The following LINGO2 variants were observed in gnomAD, a reference collection of about 807,000 sequenced individuals.
LINGO2 encodes leucine-rich repeat and immunoglobulin-like domain-containing nogo receptor-interacting protein 2.
LINGO2 carries 14 observed loss-of-function variants against 30.6 expected under a neutral mutation model. The observed-to-expected ratio is 0.46, with a 90% CI of 0.30 to 0.72. The LOEUF is 0.72. Ranked by LOEUF, LINGO2 falls within the 30% of genes least tolerant of loss-of-function variation. The pLI is 0.07. For missense variants in LINGO2, 729 were observed against 751.7 expected, an observed-to-expected ratio of 0.97 and a Z score of 0.35; for synonymous variants, 317 against 288.5, an observed-to-expected ratio of 1.10 and a Z score of -1.00.
At chr9:28,075,168 T>C (rs1031742815) in intron 4 of LINGO2, among the ~76,000 whole-genome samples, 5 of 151,928 alleles carry the variant, frequency 3.3e-5, no homozygotes, top group Non-Finnish European at 5.9e-5. Context: ...TGGCTTGAAA[T>C]AGTGTTTAGT....
intron 4 of LINGO2, among the ~76,000 whole-genome samples, chr9:28,201,112 A>C (rs1820216503): frequency 6.7e-6 from 1 of 148,998 alleles, no homozygotes; most frequent in African/African-American, 2.5e-5. Context: ...GTTTTAGGGT[A>C]CATGTGCACA....
chr9:28,877,145 A>G, the LINGO2 span, among the ~76,000 whole-genome samples: 2 of 145,626 alleles, frequency 1.4e-5, no homozygotes, highest in Non-Finnish European at 3.0e-5. Context: ...TAGATTCTGG[A>G]TATTAGCCCT....
chr9:28,501,974 G>A (rs1026399094), intron 1 of LINGO2, among the ~76,000 whole-genome samples: 2 of 151,742 alleles, frequency 1.3e-5, no homozygotes, highest in African/African-American at 4.8e-5. Flanking sequence ...AGAGAAAGTA[G>A]GAGGAAGGGA....
At chr9:29,144,871 C>T in the LINGO2 span, among the ~76,000 whole-genome samples, 1 of 151,970 alleles carries the variant, frequency 6.6e-6, no homozygotes, top group Non-Finnish European at 1.5e-5. Context: ...AAGTATCTAA[C>T]ACATTGAAAA....
chr9:29,134,421 C>T, the LINGO2 span, among the ~76,000 whole-genome samples: 1 of 151,950 alleles, frequency 6.6e-6, no homozygotes, highest in East Asian at 1.9e-4. Flanking sequence ...GAAAAATATA[C>T]ATTTTTTTCA....
At chr9:28,405,900 A>G (rs7341902) in intron 2 of LINGO2, among the ~76,000 whole-genome samples, 140,119 of 152,116 alleles carry the variant, frequency 0.92, 64,649 homozygotes, top group East Asian at 1. Flanking sequence ...AGGTTACCTC[A>G]TTCCTTTATT....
the LINGO2 span, among the ~76,000 whole-genome samples, chr9:29,047,122 G>A: frequency 6.6e-6 from 1 of 150,740 alleles, no homozygotes; most frequent in South Asian, 2.1e-4. Flanking sequence ...TACAGAATGG[G>A]TGAAAATATT....
chr9:28,517,730 A>T (rs1323294097), intron 1 of LINGO2, among the ~76,000 whole-genome samples: 2 of 152,208 alleles, frequency 1.3e-5, no homozygotes, highest in Admixed American at 6.5e-5. Flanking sequence ...TTCAAGCAAC[A>T]TTAGTACTTC....
intron 1 of LINGO2, among the ~76,000 whole-genome samples, chr9:28,517,100 A>G (rs915256674): frequency 1.3e-5 from 2 of 152,192 alleles, no homozygotes; most frequent in Admixed American, 6.5e-5. Flanking sequence ...TTTCAAGGTG[A>G]TTAAGCTGAT....
the LINGO2 span, among the ~76,000 whole-genome samples, chr9:28,818,341 C>T: frequency 2.3e-3 from 353 of 152,204 alleles, 2 homozygotes; most frequent in African/African-American, 8.4e-3. Flanking sequence ...ATTTAATTAA[C>T]CTACCATATT....
the LINGO2 span, among the ~76,000 whole-genome samples, chr9:28,910,470 T>C: frequency 2.0e-5 from 3 of 152,146 alleles, no homozygotes; most frequent in Middle Eastern, 3.4e-3. Flanking sequence ...TGGCTCTGTG[T>C]CCCCACCCAA....
the LINGO2 span, among the ~76,000 whole-genome samples, chr9:29,127,962 T>C: frequency 6.6e-6 from 1 of 152,096 alleles, no homozygotes; most frequent in African/African-American, 2.4e-5. Flanking sequence ...CTACTCAATC[T>C]TTTCAATTGG....
intron 1 of LINGO2, among the ~76,000 whole-genome samples, chr9:28,669,731 T>A (rs556879569): frequency 5.9e-5 from 9 of 152,062 alleles, no homozygotes; most frequent in African/African-American, 2.2e-4. Flanking sequence ...GAAAAGGAAC[T>A]CAGCTTTCAT....
At chr9:28,481,087 GC>G (rs1825945317) in intron 1 of LINGO2, among the ~76,000 whole-genome samples, 1 of 21,662 alleles carries the variant, frequency 4.6e-5, no homozygotes, top group Admixed American at 6.1e-4. Flanking sequence ...TGGAGAATGG[GC>G]ATGGAGCCCC....
chr9:29,170,161 A>G, the LINGO2 span, among the ~76,000 whole-genome samples: 32 of 152,356 alleles, frequency 2.1e-4, no homozygotes, highest in African/African-American at 7.0e-4. Context: ...ATAAGTTTAT[A>G]GCAGCCCTAT....
At chr9:28,450,013 T>C (rs1467760891) in intron 2 of LINGO2, among the ~76,000 whole-genome samples, 7 of 152,034 alleles carry the variant, frequency 4.6e-5, no homozygotes, top group Non-Finnish European at 8.8e-5. Context: ...GCATTACTCA[T>C]GCATCACACC....
chr9:28,517,915 C>G (rs746028516), intron 1 of LINGO2, among the ~76,000 whole-genome samples: 1 of 152,070 alleles, frequency 6.6e-6, no homozygotes, highest in Non-Finnish European at 1.5e-5. Flanking sequence ...GCTTCAGGGG[C>G]GGAATTTTTA....
At chr9:28,051,867 T>C (rs547976533) in intron 4 of LINGO2, among the ~76,000 whole-genome samples, 3 of 152,214 alleles carry the variant, frequency 2.0e-5, no homozygotes, top group East Asian at 3.9e-4. Flanking sequence ...TCCAAGAATA[T>C]GCAAGACAGC....
chr9:29,075,345 T>C, the LINGO2 span, among the ~76,000 whole-genome samples: 1 of 152,186 alleles, frequency 6.6e-6, no homozygotes, highest in Admixed American at 6.5e-5. Flanking sequence ...TTTATAAACA[T>C]TCTCTTTTCA....
Sources: allele counts gnomAD v4.1 joint callset (sites outside exome capture counted in the v4.1 genomes callset), GRCh38; gene constraint gnomAD v4.1.1; transcripts MANE v1.5; gene names NCBI Gene and HGNC (gene_info 2026-07-23, HGNC 2026-07-21).